CTPS1: variants seen among roughly 807,000 people sequenced by gnomAD.
The protein encoded by CTPS1 is CTP synthase 1, also known as CTP synthetase 1.
A neutral mutation model predicts 80.5 loss-of-function variants in CTPS1; 25 were observed. The ratio of observed to expected loss-of-function variants is 0.31; its 90% CI spans 0.23 to 0.43. CTPS1 has a LOEUF of 0.43. Among genes scored for constraint, CTPS1 ranks in the 20% least tolerant of loss-of-function variants. The pLI is 1.00. For missense variants in CTPS1, 442 were observed against 725.7 expected (o/e 0.61, Z 4.49); for synonymous variants, 267 against 252.5 (o/e 1.06, Z -0.54).
chr1:40,986,532 G>C (rs1422908501), intron 3 of CTPS1, among the ~76,000 whole-genome samples: 1 of 152,228 alleles, frequency 6.6e-6, no homozygotes. Context: ...AATTTTAAAA[G>C]ATCACTTTGA....
Position 41,007,534 on chromosome 1 carries a change from A to T in CTPS1, c.1382A>T (p.Asn461Ile). 6.2e-7 allele frequency: 1 copy of T among 1,613,870 alleles called. No individual in the cohort carries two copies. Among genetic ancestry groups the T allele is most frequent in the Non-Finnish European group, 8.5e-7 (1 of 1,179,936 alleles). Residue 461 changes from asparagine to isoleucine, a missense_variant, in exon 14 of 19, where the codon AAC (asparagine) becomes ATC (isoleucine). Asn to Ile is a moderately radical substitution (Grantham distance 149, BLOSUM62 -3). Coordinates refer to ENST00000650070, the MANE Select transcript of CTPS1 (RefSeq NM_001905.4). This position sits in a 1 kb window ranked among gnomAD's most constrained non-coding sequence, Gnocchi z 4.4. ...GKRRTLFQTKNSVMRKLYGDA... is the reference protein window; with the variant it reads ...GKRRTLFQTKISVMRKLYGDA... ...AGGAGAACCCTGTTCCAGACCAAGA[A>T]CTCAGTCATGAGTAAGAGCTGCCTC...
Position 41,008,814 on chromosome 1 carries a change from GTGTT to G in CTPS1, c.1473_1476del (p.Cys491TrpfsTer6), listed in dbSNP as rs1451393731. The G allele has an allele frequency of 6.2e-7, 1 of 1,614,198 alleles. No homozygotes were observed. On this transcript the variant is annotated frameshift_variant, in exon 16 of 19. Coordinates refer to ENST00000650070, the MANE Select transcript of CTPS1 (RefSeq NM_001905.4). LOFTEE classifies it high-confidence loss of function. The stretch of plus-strand genomic sequence containing the variant: ...AACAGGTGAATCCAGTCTGGAAAAA[GTGTT>G]TGGAAGAACAAGGCTTGAAGTTTGT...
intron 17 of CTPS1, 59 bp from the exon 18 acceptor site, chr1:41,010,102 C>A: frequency 8.2e-7 from 1 of 1,225,458 alleles, no homozygotes; most frequent in Non-Finnish European, 1.2e-6. Context: ...GTTACAAAAA[C>A]AGGGACGTAA....
rs115373539 is a variant in CTPS1 at position 40,994,501 on chromosome 1, C to T, written c.721-1416C>T. 6.3e-3 allele frequency among the ~76,000 whole-genome samples: 956 copies of T among 152,306 alleles called. 14 individuals are homozygous for T. The highest frequency in any genetic ancestry group is 0.022 in the African/African-American group (915 of 41,560). On this transcript the variant is annotated intron_variant, in intron 7 of 18. Transcript: ENST00000650070. ...TATATTTTCTGATTAGATAATACCC[C>T]ATGTGTAGGAGACCCTGCTGACCTC...
At chr1:41,008,113 G>A (rs528313816) in intron 14 of CTPS1, among the ~76,000 whole-genome samples, 6 of 152,132 alleles carry the variant, frequency 3.9e-5, no homozygotes, top group East Asian at 1.9e-4. Flanking sequence ...CTTGAGTATC[G>A]GATCTTTCTC....
chr1:41,005,756 T>C (rs921495153), intron 12 of CTPS1, among the ~76,000 whole-genome samples: 3 of 151,972 alleles, frequency 2.0e-5, no homozygotes, highest in African/African-American at 7.3e-5. Flanking sequence ...GAAAAAAAAT[T>C]AGCTGGATGT....
At chr1:40,996,545 T>C (rs749631370) in intron 8 of CTPS1, among the ~76,000 whole-genome samples, 11 of 152,214 alleles carry the variant, frequency 7.2e-5, no homozygotes, top group Non-Finnish European at 1.5e-4. Context: ...CTTTTAAGGC[T>C]CGGTGATGCT....
At chr1:41,009,021 A>C (rs1643103004) in intron 16 of CTPS1, 131 bp downstream of exon 16, 1 of 744,678 alleles carries the variant, frequency 1.3e-6, no homozygotes, top group Non-Finnish European at 2.3e-6. Flanking sequence ...TCATGAGGGA[A>C]GGGGTCTTGA....
chr1:40,992,173 G>T (rs959212406), intron 7 of CTPS1, among the ~76,000 whole-genome samples: 2 of 152,144 alleles, frequency 1.3e-5, no homozygotes, highest in South Asian at 2.1e-4. Context: ...CTTCCTGTTG[G>T]CTTGGCAGTC....
chr1:40,998,396 TAAAAA>T (rs56282224), intron 9 of CTPS1, among the ~76,000 whole-genome samples: 2 of 64,588 alleles, frequency 3.1e-5, no homozygotes, highest in Admixed American at 1.8e-4. Flanking sequence ...AGACTCTGTC[TAAAAA>T]AAAAAAAAAA....
intron 7 of CTPS1, 125 bp downstream of exon 7, chr1:40,991,970 ATTG>A: frequency 1.4e-6 from 1 of 730,592 alleles, no homozygotes. Context: ...AGAAGAACCC[ATTG>A]CCATCGGCCA....
rs573411679 is a variant in CTPS1 at position 40,992,284 on chromosome 1, C to T, written c.720+439C>T. ...GGCCCTTGGCCTTCAGGGTTAACTG[C>T]GTCCTTCACTGGGCTCCTGTGTGGT... On this transcript the variant is annotated intron_variant, in intron 7 of 18. Transcript: ENST00000650070. 7.9e-5 allele frequency among the ~76,000 whole-genome samples: 12 copies of T among 152,288 alleles called. No individual in the cohort carries two copies. The South Asian group carries it at 2.1e-3, about 26-fold the overall frequency.
chr1:40,981,963 C>G, intron 1 of CTPS1: 1 of 1,287,502 alleles, frequency 7.8e-7, no homozygotes, highest in Non-Finnish European at 1.0e-6. Flanking sequence ...ATGGAACGTT[C>G]CTGAGGAGGA....
At position 41,007,531 on chromosome 1, in the gene CTPS1, A is replaced by G. The variant is rs568672601; in HGVS notation, c.1379A>G (p.Lys460Arg). ...LGKRRTLFQT[K>R]NSVMRKLYGD... ...AAGAGGAGAACCCTGTTCCAGACCAAGAACTCAGTCATGAGTAAGAGCTGC... is the reference window on the plus strand; with the variant it reads ...AAGAGGAGAACCCTGTTCCAGACCAGGAACTCAGTCATGAGTAAGAGCTGC... The change falls in exon 14 of 19, where the codon AAG (lysine) becomes AGG (arginine). Residue 460 changes from lysine to arginine, a missense_variant. By Grantham distance (26) the Lys-to-Arg change is conservative. Transcript: ENST00000650070. This position sits in a 1 kb window ranked among gnomAD's most constrained non-coding sequence, Gnocchi z 4.4. 3.2e-5 allele frequency: 52 copies of G among 1,614,130 alleles called. 1 individual carries two copies. In the East Asian group the frequency reaches 1.0e-3, roughly 31 times the overall value.
chr1:41,001,261 T>C, intron 10 of CTPS1, 144 bp downstream of exon 10: 1 of 586,228 alleles, frequency 1.7e-6, no homozygotes, highest in Non-Finnish European at 2.9e-6. Flanking sequence ...TGCCATCTGA[T>C]TTAATCCTTA....
In CTPS1 at chr1:40,988,714, A is replaced by C; in HGVS notation, c.555+4A>C. The C allele has an allele frequency of 6.3e-7, 1 of 1,593,760 alleles. No homozygotes were observed. Reference sequence around the variant, plus strand: ...CCACGTCAGTCTAGTTCCCCAGGTAAGTAAGACATTGAAAGTTTTACTTTG... The same window carrying C: ...CCACGTCAGTCTAGTTCCCCAGGTACGTAAGACATTGAAAGTTTTACTTTG... On this transcript the variant is annotated splice_donor_region_variant and intron_variant, in intron 5 of 18. Transcript: ENST00000650070.
chr1:41,012,521 G>C lies in CTPS1; in HGVS notation c.*873G>C, dbSNP rs1219966649. On this transcript the variant is annotated 3_prime_UTR_variant, in exon 19 of 19. Coordinates refer to ENST00000650070, the MANE Select transcript of CTPS1 (RefSeq NM_001905.4). ...GCACTATATTCTGGCCAGACTCGAT[G>C]TGTACTCTAACTTAAGAAATAAATC... is the stretch of plus-strand genomic sequence containing the variant. 6.6e-6 allele frequency: 1 copy of C among 152,184 alleles called. No individual in the cohort carries two copies. The highest frequency in any genetic ancestry group is 1.5e-5 in the Non-Finnish European group (1 of 68,040). 9.4% of individuals were successfully genotyped at this position (152,184 alleles called of 1,614,324 possible). A position where few individuals can be genotyped will look rare whatever the true frequency, so the allele number is the denominator to read the frequency against.
chr1:40,992,610 T>C (rs1261289704), intron 7 of CTPS1, among the ~76,000 whole-genome samples: 1 of 152,168 alleles, frequency 6.6e-6, no homozygotes, highest in Non-Finnish European at 1.5e-5. Flanking sequence ...GGCCAGGTTT[T>C]AGATATTTCT....
chr1:40,983,388 A>T lies in CTPS1; in HGVS notation c.98A>T (p.His33Leu). The T allele has an allele frequency of 1.9e-6, 3 of 1,614,106 alleles. No homozygotes were observed. ...VGTILKSCGL[H>L]VTSIKIDPYI... The stretch of plus-strand genomic sequence containing the variant: ...ACAATACTCAAGTCATGTGGTTTAC[A>T]TGTAACTTCAATCAAAATTGACCCC... The change falls in exon 2 of 19, where the codon CAT (histidine) becomes CTT (leucine). Residue 33 changes from histidine (H) to leucine (L), a missense_variant. This residue lies in a region of CTPS1 where 25 missense variants were observed against 72.7 expected (regional missense o/e 0.34). Transcript: ENST00000650070.
Sources: gnomAD v4.1 joint callset for allele counts (sites outside exome capture counted in the v4.1 genomes callset) on GRCh38, gnomAD v4.1.1 for gene constraint, gnomAD v4.1.1 regional missense constraint, Gnocchi (gnomAD v3.1) non-coding constraint, MANE v1.5 for transcripts, NCBI Gene and HGNC (gene_info 2026-07-23, HGNC 2026-07-21) for gene names.